Variants in EYA1 observed in about 807,000 individuals in gnomAD.
EYA1 encodes the protein protein phosphatase EYA1.
In EYA1, 16 loss-of-function variants were observed where a neutral mutation model predicts 82.0. The observed-to-expected ratio is 0.20, with a 90% CI of 0.13 to 0.30. The LOEUF is 0.30. Among genes scored for constraint, EYA1 ranks in the 10% least tolerant of loss-of-function variants. The pLI is 1.00. For synonymous variants in EYA1, 261 were observed against 264.4 expected (o/e 0.99, Z 0.12); for missense variants, 633 against 730.7 (o/e 0.87, Z 1.54).
chr8:71,334,205 GAATT>G (rs1563486453), intron 3 of EYA1, 31 bp from the exon 4 acceptor site: 2 of 1,425,524 alleles, frequency 1.4e-6, no homozygotes, highest in Non-Finnish European at 2.0e-6. Flanking sequence ...CATCGATATT[GAATT>G]AATAGTTATT....
chr8:71,386,335 G>A (rs190538293), intron 2 of EYA1, among the ~76,000 whole-genome samples: 30 of 152,258 alleles, frequency 2.0e-4, no homozygotes, highest in African/African-American at 4.8e-4. Context: ...TGAGGGAGTC[G>A]CTCAAGCTCT....
At position 71,199,293 on chromosome 8, in the gene EYA1, G is replaced by A. The variant is rs1379087729; in HGVS notation, c.*47C>T. ...TGCGAGACTGGGGCCTGCTGGATCTGTCCCTGGTCACAGAGCAGCTGTGCG... is the reference window on the plus strand; with the variant it reads ...TGCGAGACTGGGGCCTGCTGGATCTATCCCTGGTCACAGAGCAGCTGTGCG... On this transcript the variant is annotated 3_prime_UTR_variant, in exon 18 of 18. Transcript: ENST00000340726. 7.1e-7 allele frequency: 1 copy of A among 1,399,390 alleles called. No homozygotes were observed. The highest frequency in any genetic ancestry group is 1.2e-5 in the South Asian group (1 of 83,726). The allele number at this position is 1,399,390 out of a possible 1,614,324, so 86.7% of individuals were successfully genotyped here.
intron 3 of EYA1, among the ~76,000 whole-genome samples, chr8:71,337,955 A>G (rs906412104): frequency 1.3e-5 from 2 of 152,260 alleles, no homozygotes; most frequent in African/African-American, 4.8e-5. Context: ...GTGTGGGTGA[A>G]TACTCAGGTG....
intron 2 of EYA1, among the ~76,000 whole-genome samples, chr8:71,462,686 C>A (rs1376439437): frequency 6.6e-6 from 1 of 152,180 alleles, no homozygotes; most frequent in East Asian, 1.9e-4. Context: ...CCTGTGCCCT[C>A]CAGGCAGCAG....
At chr8:71,366,294 T>C (rs1586560791), upstream of EYA1, among the ~76,000 whole-genome samples, 1 of 152,318 alleles carries the variant, frequency 6.6e-6, no homozygotes, top group Middle Eastern at 3.4e-3. Context: ...GATTTCCTAT[T>C]TTAAAATCAA....
intron 2 of EYA1, among the ~76,000 whole-genome samples, chr8:71,384,974 T>C (rs1828898142): frequency 6.6e-6 from 1 of 152,152 alleles, no homozygotes; most frequent in Non-Finnish European, 1.5e-5. Flanking sequence ...TAGACCCTTA[T>C]AAATTTCAAA....
chr8:71,415,486 C>G (rs1267735102), intron 2 of EYA1, among the ~76,000 whole-genome samples: 14 of 152,190 alleles, frequency 9.2e-5, no homozygotes, highest in Admixed American at 9.2e-4. Context: ...ACACAGAGAG[C>G]TAGTAAGGGT....
At chr8:71,439,243 T>A (rs1474696857) in intron 2 of EYA1, among the ~76,000 whole-genome samples, 1 of 152,204 alleles carries the variant, frequency 6.6e-6, no homozygotes, top group Non-Finnish European at 1.5e-5. Context: ...GCCATAACTC[T>A]TACTCAGTAC....
chr8:71,394,703 T>A (rs763345462), intron 2 of EYA1, among the ~76,000 whole-genome samples: 14 of 152,202 alleles, frequency 9.2e-5, no homozygotes, highest in Non-Finnish European at 1.9e-4. Flanking sequence ...AGCCTTGTAG[T>A]ATAGTTTCAA....
chr8:71,263,569 T>C (rs1285833220), intron 11 of EYA1, among the ~76,000 whole-genome samples: 2 of 152,190 alleles, frequency 1.3e-5, no homozygotes, highest in Admixed American at 6.5e-5. Flanking sequence ...ACTGCCTGCA[T>C]TGAGTTCACG....
At chr8:71,476,804 C>T in intron 2 of EYA1, among the ~76,000 whole-genome samples, 1 of 152,080 alleles carries the variant, frequency 6.6e-6, no homozygotes, top group Non-Finnish European at 1.5e-5. Flanking sequence ...TTGGAAGACT[C>T]AGACTTCCTG....
At chr8:71,327,872 T>TC (rs1369286240) in intron 4 of EYA1, among the ~76,000 whole-genome samples, 1 of 150,382 alleles carries the variant, frequency 6.6e-6, no homozygotes, top group Non-Finnish European at 1.5e-5. Flanking sequence ...TTTTTTTTTT[T>TC]TTGAGACAGA....
intron 2 of EYA1, among the ~76,000 whole-genome samples, chr8:71,507,911 A>G (rs1812313185): frequency 6.6e-6 from 1 of 152,254 alleles, no homozygotes; most frequent in Non-Finnish European, 1.5e-5. Flanking sequence ...TTGACAAATA[A>G]GTATACCCTA....
chr8:71,356,333 AAACT>A, intron 2 of EYA1, 125 bp downstream of exon 2: 2 of 767,124 alleles, frequency 2.6e-6, no homozygotes, highest in Non-Finnish European at 2.1e-6. Flanking sequence ...ACACACACAC[AAACT>A]GTTAAGTAAT....
chr8:71,343,029 G>A (rs1172716093), intron 3 of EYA1, among the ~76,000 whole-genome samples: 1 of 152,134 alleles, frequency 6.6e-6, no homozygotes, highest in Non-Finnish European at 1.5e-5. Flanking sequence ...AGAACAAAGA[G>A]AAGGAGGTTT....
intron 2 of EYA1, among the ~76,000 whole-genome samples, chr8:71,486,757 T>G (rs1322688138): frequency 6.6e-6 from 1 of 152,102 alleles, no homozygotes; most frequent in Admixed American, 6.5e-5. Flanking sequence ...AAAGCACGTC[T>G]GCCCTGCAGA....
chr8:71,301,683 T>G (rs1166194641), intron 7 of EYA1, among the ~76,000 whole-genome samples: 1 of 152,156 alleles, frequency 6.6e-6, no homozygotes, highest in Non-Finnish European at 1.5e-5. Context: ...TTGTTTGAAG[T>G]TCCCAGAACA....
intron 2 of EYA1, among the ~76,000 whole-genome samples, chr8:71,406,680 G>A (rs117258503): frequency 3.0e-4 from 46 of 152,262 alleles, no homozygotes; most frequent in East Asian, 2.3e-3. Context: ...TTAAAAAACC[G>A]CTCACCAGGA....
chr8:71,242,545 G>GA (rs1289115485), intron 12 of EYA1, among the ~76,000 whole-genome samples: 2 of 151,992 alleles, frequency 1.3e-5, no homozygotes, highest in South Asian at 2.1e-4. Context: ...TGGGTTTACA[G>GA]AAAAAAATAC....
Sources: gnomAD v4.1 joint callset for allele counts (sites outside exome capture counted in the v4.1 genomes callset) on GRCh38, gnomAD v4.1.1 for gene constraint, MANE v1.5 for transcripts, NCBI Gene and HGNC (gene_info 2026-07-23, HGNC 2026-07-21) for gene names.